Variants in GLS observed in about 807,000 individuals in gnomAD.
The protein encoded by GLS is glutaminase kidney isoform, mitochondrial.
In GLS, 36 loss-of-function variants were observed where a neutral mutation model predicts 86.7. That is an observed-to-expected ratio of 0.42 (90% CI 0.32 to 0.55). The LOEUF (loss-of-function observed/expected upper bound fraction) is 0.55. Among genes scored for constraint, GLS ranks in the 20% least tolerant of loss-of-function variants. The pLI, the probability that GLS is intolerant of heterozygous loss-of-function variation, is 0.17. For missense variants in GLS, 528 were observed against 833.4 expected (o/e 0.63, Z 4.51); for synonymous variants, 317 against 305.9 (o/e 1.04, Z -0.38).
Position 190,962,004 on chromosome 2 carries a change from A to G in GLS, c.1854-826A>G, listed in dbSNP as rs1482307222. Among the ~76,000 whole-genome samples the G allele has an allele frequency of 6.6e-6, 1 of 152,214 alleles. No individual in the cohort carries two copies. Among genetic ancestry groups the G allele is most frequent in the East Asian group, 1.9e-4 (1 of 5,198 alleles). ...GATTGGGTAGGAAGACAGGCTTCAC[A>G]GTTTGTAAAGTGTAAGGGAACTACC... is the stretch of plus-strand genomic sequence containing the variant. On this transcript the variant is annotated intron_variant, in intron 17 of 17. Transcript: ENST00000320717. The surrounding 1 kb of genome is among the most constrained non-coding windows in gnomAD (Gnocchi z 4.2).
Position 190,930,002 on chromosome 2 carries a change from G to A in GLS, c.1426-435G>A, listed in dbSNP as rs574998657. On this transcript the variant is annotated intron_variant, in intron 12 of 17. Coordinates refer to ENST00000320717, the MANE Select transcript of GLS (RefSeq NM_014905.5). The surrounding 1 kb of genome is among the most constrained non-coding windows in gnomAD (Gnocchi z 5.0). ...TTGGGACTACAGGCGTGCACTTTGG[G>A]AGGCTGAGGCGGGCGGATCACAAGG... Among the ~76,000 whole-genome samples the A allele has an allele frequency of 6.6e-6, 1 of 151,754 alleles. No homozygotes were observed. The highest frequency in any genetic ancestry group is 1.9e-4 in the East Asian group (1 of 5,154).
chr2:190,962,385 G>A lies in GLS; in HGVS notation c.1854-445G>A, dbSNP rs143705315. On this transcript the variant is annotated intron_variant, in intron 17 of 17. Transcript: ENST00000320717. The surrounding 1 kb of genome is among the most constrained non-coding windows in gnomAD (Gnocchi z 4.2). ...TTTCTAGACTTCTGAGACTTACTGT[G>A]GCTTTGAATTGACACAAACACTAAT... 3.6e-3 allele frequency among the ~76,000 whole-genome samples: 542 copies of A among 152,246 alleles called. 2 individuals carry two copies. The highest frequency in any genetic ancestry group is 0.01 in the Middle Eastern group (3 of 294).
Position 190,881,374 on chromosome 2 carries a change from C to G in GLS, c.290C>G (p.Pro97Arg). 6.5e-7 allele frequency: 1 copy of G among 1,539,938 alleles called. No homozygotes were observed. The highest frequency in any genetic ancestry group is 8.8e-7 in the Non-Finnish European group (1 of 1,142,772). Residue 97 changes from proline to arginine, a missense_variant, in exon 1 of 18, where the codon CCC becomes CGC. Coordinates refer to ENST00000320717, the MANE Select transcript of GLS (RefSeq NM_014905.5). ...STHPQPGVSP[P>R]AAPAAPGPKD... is the part of the protein sequence containing the mutation. Reference sequence around the variant, plus strand: ...CATCCGCAGCCCGGGGTGTCGCCACCCGCTGCCCCGGCGGCGCCCGGCCCC... The same window carrying G: ...CATCCGCAGCCCGGGGTGTCGCCACGCGCTGCCCCGGCGGCGCCCGGCCCC...
chr2:190,959,311 T>G (rs1690941935), intron 17 of GLS, among the ~76,000 whole-genome samples: 1 of 152,058 alleles, frequency 6.6e-6, no homozygotes, highest in South Asian at 2.1e-4. Flanking sequence ...TGAGCCTATG[T>G]GTGTCTTTGC....
chr2:190,885,549 G>A (rs1688350559), intron 1 of GLS, among the ~76,000 whole-genome samples: 1 of 152,138 alleles, frequency 6.6e-6, no homozygotes, highest in Non-Finnish European at 1.5e-5. Flanking sequence ...CATTGAATTG[G>A]GTAGATTGAA....
At position 190,895,489 on chromosome 2, in the gene GLS, C is replaced by A; in HGVS notation, c.484-115C>A. 1 of 682,514 alleles carries A rather than the reference C, an allele frequency of 1.5e-6. No homozygotes were observed. The highest frequency in any genetic ancestry group is 2.4e-6 in the Non-Finnish European group (1 of 414,188). 42.3% of individuals were successfully genotyped at this position (682,514 alleles called of 1,614,324 possible). A position where few individuals can be genotyped will look rare whatever the true frequency, so the allele number is the denominator to read the frequency against. On this transcript the variant is annotated intron_variant, in intron 2 of 17. Transcript: ENST00000320717. This position sits in a 1 kb window ranked among gnomAD's most constrained non-coding sequence, Gnocchi z 4.2. ...AATAGTGACACTAAGATGCCATATT[C>A]ATGTTCAAGTGTTGGGTAGAAGTTT...
chr2:190,915,034 T>C (rs1689480928), intron 7 of GLS, among the ~76,000 whole-genome samples: 1 of 152,072 alleles, frequency 6.6e-6, no homozygotes, highest in Admixed American at 6.5e-5. Flanking sequence ...TTTTTTTTTT[T>C]GAGACGAAGT....
At chr2:190,937,771 C>A (rs928620722) in intron 14 of GLS, among the ~76,000 whole-genome samples, 1 of 150,482 alleles carries the variant, frequency 6.6e-6, no homozygotes, top group African/African-American at 2.4e-5. Context: ...GATCCATTAA[C>A]CCTTAACCAA....
chr2:190,937,719 A>G (rs772570936), intron 14 of GLS, among the ~76,000 whole-genome samples: 100 of 151,324 alleles, frequency 6.6e-4, no homozygotes, highest in Non-Finnish European at 1.1e-3. Context: ...TATGCCATGT[A>G]TAGAAAACCT....
At chr2:190,932,962 T>A in intron 14 of GLS, 1 of 1,280,294 alleles carries the variant, frequency 7.8e-7, no homozygotes, top group Non-Finnish European at 9.9e-7. Context: ...GTATTTTTTG[T>A]TCTCAATCTT....
At chr2:190,882,968 A>G (rs1173221851) in intron 1 of GLS, among the ~76,000 whole-genome samples, 1 of 152,240 alleles carries the variant, frequency 6.6e-6, no homozygotes, top group African/African-American at 2.4e-5. Flanking sequence ...CAAGTGCCCA[A>G]GGTACAGAAT....
At position 190,951,775 on chromosome 2, in the gene GLS, G is replaced by A. The variant is rs1690726492; in HGVS notation, c.1651-1790G>A. On this transcript the variant is annotated intron_variant, in intron 14 of 17. Transcript: ENST00000320717. This position sits in a 1 kb window ranked among gnomAD's most constrained non-coding sequence, Gnocchi z 4.2. ...GAGAATAATCTGTAATAGCCAGTCAGTATTCTGTGGTCCAAGAGCAAAAAG... is the reference window on the plus strand; with the variant it reads ...GAGAATAATCTGTAATAGCCAGTCAATATTCTGTGGTCCAAGAGCAAAAAG... 6.6e-6 allele frequency among the ~76,000 whole-genome samples: 1 copy of A among 152,182 alleles called. No individual in the cohort carries two copies. The highest frequency in any genetic ancestry group is 1.5e-5 in the Non-Finnish European group (1 of 68,038).
chr2:190,942,066 A>ATTTTTTTTTTT (rs1160472609), intron 14 of GLS, among the ~76,000 whole-genome samples: 1 of 50,730 alleles, frequency 2.0e-5, no homozygotes, highest in Non-Finnish European at 5.4e-5. Flanking sequence ...AACTTTGAAG[A>ATTTTTTTTTTT]CTTTTTTTTT....
At chr2:190,923,006 C>T (rs375903648) in intron 9 of GLS, among the ~76,000 whole-genome samples, 1 of 152,182 alleles carries the variant, frequency 6.6e-6, no homozygotes, top group East Asian at 1.9e-4. Flanking sequence ...CTCTGCCTCT[C>T]CTTTTTCTCA....
intron 1 of GLS, 174 bp downstream of exon 1, chr2:190,881,644 G>T (rs564953258): frequency 1.7e-6 from 1 of 584,014 alleles, no homozygotes; most frequent in South Asian, 2.5e-5. Context: ...CCCCGCCCGC[G>T]CCTTCCCCGC....
intron 5 of GLS, among the ~76,000 whole-genome samples, chr2:190,902,857 A>G (rs374986236): frequency 3.3e-5 from 5 of 152,224 alleles, no homozygotes; most frequent in East Asian, 3.9e-4. Context: ...TTTTTTTATT[A>G]AAGTATTTCT....
At chr2:190,899,880 A>G (rs929297440) in intron 3 of GLS, among the ~76,000 whole-genome samples, 2 of 152,104 alleles carry the variant, frequency 1.3e-5, no homozygotes, top group African/African-American at 2.4e-5. Flanking sequence ...ACAGTGAAAC[A>G]TTTTTATTCT....
At position 190,902,034 on chromosome 2, in the gene GLS, T is replaced by A; in HGVS notation, c.815+8T>A. 4 of 1,566,360 alleles carry A rather than the reference T, an allele frequency of 2.6e-6. No homozygotes were observed. The highest frequency in any genetic ancestry group is 2.6e-6 in the Non-Finnish European group (3 of 1,136,784). On this transcript the variant is annotated splice_region_variant and intron_variant, in intron 5 of 17. Coordinates refer to ENST00000320717, the MANE Select transcript of GLS (RefSeq NM_014905.5). ...TACAGTAGATGGACAGAGGTAAGTT[T>A]ATTTCAAATTCATGAAAACCAACTC...
rs769903221 is a variant in GLS at position 190,881,138 on chromosome 2, C to T, written c.54C>T (p.Pro18=). 1.3e-5 allele frequency: 21 copies of T among 1,558,532 alleles called. No individual in the cohort carries two copies. Among genetic ancestry groups the T allele is most frequent in the South Asian group, 1.0e-4 (9 of 86,080 alleles). ...GMLRDLLLRS[P]AGVSATLRRA... ...TGCGGGACCTGCTCCTGCGGTCGCC[C>T]GCCGGCGTGAGCGCGACTCTGCGGC... The change falls in exon 1 of 18, where the codon CCC becomes CCT. Residue 18 remains proline, a synonymous_variant. Transcript: ENST00000320717.
Sources: allele counts gnomAD v4.1 joint callset (sites outside exome capture counted in the v4.1 genomes callset), GRCh38; gene constraint gnomAD v4.1.1; non-coding constraint Gnocchi (gnomAD v3.1); transcripts MANE v1.5; gene names NCBI Gene and HGNC (gene_info 2026-07-23, HGNC 2026-07-21).